The following CWH43 variants were observed in gnomAD, a reference collection of about 807,000 sequenced individuals.
CWH43 encodes cell wall biogenesis 43 C-terminal homolog.
Under a neutral mutation model 85.7 loss-of-function variants are expected in CWH43, and 91 were observed. The observed-to-expected ratio is 1.06, with a 90% CI of 0.90 to 1.26. The LOEUF is 1.26. CWH43 is among the 50% of genes most tolerant of loss of function. The probability of loss-of-function intolerance (pLI) is 0.00; values close to 1 mark genes in which losing one functional copy is unlikely to be tolerated. For missense variants in CWH43, 869 were observed against 839.2 expected, an observed-to-expected ratio of 1.04 and a Z score of -0.44; for synonymous variants, 323 against 293.6, an observed-to-expected ratio of 1.10 and a Z score of -1.02.
At chr4:49,017,121 G>A in intron 8 of CWH43, 128 bp from the exon 9 acceptor site, 1 of 795,382 alleles carries the variant, frequency 1.3e-6, no homozygotes, top group South Asian at 1.5e-5. Flanking sequence ...TCATCTTCCA[G>A]GTCCTCCAAG....
At chr4:49,038,854 C>T (rs537766512) in intron 13 of CWH43, among the ~76,000 whole-genome samples, 6 of 151,364 alleles carry the variant, frequency 4.0e-5, no homozygotes, top group Non-Finnish European at 7.4e-5. Context: ...GTCAGGAGAT[C>T]GAGACCATCC....
In CWH43 at chr4:48,998,507, GTT is replaced by G. The variant is rs1782887613; in HGVS notation, c.763_764del (p.Leu255ValfsTer52). On this transcript the variant is annotated frameshift_variant, in exon 6 of 16. Transcript: ENST00000226432. LOFTEE classifies it high-confidence loss of function. ...GCAAGTGGATTGATGCTTCCATCTT[GTT>G]TGTGGTTTCGTGGTACTGGTTTGAT... 6.2e-7 allele frequency: 1 copy of G among 1,614,004 alleles called. No homozygotes were observed.
intron 15 of CWH43, among the ~76,000 whole-genome samples, chr4:49,061,175 T>G (rs567766398): frequency 2.2e-4 from 33 of 152,276 alleles, no homozygotes; most frequent in African/African-American, 7.9e-4. Context: ...GCTCTAGAAG[T>G]GAAATAGCAG....
intron 12 of CWH43, 61 bp downstream of exon 12, chr4:49,032,776 C>A (rs1421158812): frequency 6.4e-7 from 1 of 1,564,094 alleles, no homozygotes; most frequent in African/African-American, 1.4e-5. Context: ...TAACAATGTA[C>A]TTTGATTTCT....
chr4:49,032,037 C>A (rs574282724), intron 11 of CWH43, among the ~76,000 whole-genome samples: 15 of 152,252 alleles, frequency 9.9e-5, no homozygotes, highest in African/African-American at 3.6e-4. Context: ...TAGAGATAGA[C>A]CTGTCTCAGA....
At chr4:49,006,115 C>T (rs1309501757) in intron 7 of CWH43, among the ~76,000 whole-genome samples, 9 of 152,146 alleles carry the variant, frequency 5.9e-5, no homozygotes, top group Non-Finnish European at 1.3e-4. Context: ...TGTGTACTCT[C>T]TCCTGCTTTG....
intron 8 of CWH43, among the ~76,000 whole-genome samples, chr4:49,011,279 T>A (rs1783349038): frequency 6.6e-6 from 1 of 152,192 alleles, no homozygotes; most frequent in Non-Finnish European, 1.5e-5. Context: ...GCCTGTTGTA[T>A]CAGAGACTAG....
chr4:49,028,078 A>G (rs1783974842), intron 9 of CWH43, among the ~76,000 whole-genome samples: 2 of 152,146 alleles, frequency 1.3e-5, no homozygotes, highest in Admixed American at 1.3e-4. Flanking sequence ...AAGAGTAAAC[A>G]CTATCCTGAG....
rs1458415502 is a variant in CWH43, at chr4:49,044,823, A to T, written c.1841A>T (p.Tyr614Phe). The T allele has an allele frequency of 2.5e-6, 4 of 1,613,304 alleles. No homozygotes were observed. Among genetic ancestry groups the T allele is most frequent in the Non-Finnish European group, 3.4e-6 (4 of 1,179,380 alleles). The change falls in exon 14 of 16, where the codon TAC becomes TTC. Residue 614 changes from tyrosine to phenylalanine, a missense_variant. Transcript: ENST00000226432. ...DSTDHDRWCEYIMYRGLIRLG... is the reference protein window; with the variant it reads ...DSTDHDRWCEFIMYRGLIRLG... ...ACTGATCATGACAGATGGTGTGAAT[A>T]CATTATGTATCGAGGGCTGATCAGG...
At chr4:49,000,503 A>G (rs1392669407) in intron 6 of CWH43, among the ~76,000 whole-genome samples, 2 of 152,224 alleles carry the variant, frequency 1.3e-5, no homozygotes, top group African/African-American at 4.8e-5. Context: ...AAGGGCCAGG[A>G]AAGTTTGTCA....
intron 10 of CWH43, among the ~76,000 whole-genome samples, chr4:49,029,851 C>A (rs1784039032): frequency 6.6e-6 from 1 of 152,202 alleles, no homozygotes; most frequent in South Asian, 2.1e-4. Flanking sequence ...TTCCTGCCGA[C>A]CTTCTCCCCA....
At chr4:49,009,645 A>G (rs2355166) in intron 8 of CWH43, among the ~76,000 whole-genome samples, 92,409 of 152,014 alleles carry the variant, frequency 0.61, 30,690 homozygotes, top group Middle Eastern at 0.79. Context: ...TTTCAGATAT[A>G]TTCCATTAAT....
chr4:49,013,154 C>G (rs1370213928), intron 8 of CWH43, among the ~76,000 whole-genome samples: 1 of 152,230 alleles, frequency 6.6e-6, no homozygotes, highest in African/African-American at 2.4e-5. Flanking sequence ...CCACCCTGTT[C>G]CAGCTTCCTG....
At chr4:49,046,897 C>T (rs969753491) in intron 14 of CWH43, among the ~76,000 whole-genome samples, 1 of 152,158 alleles carries the variant, frequency 6.6e-6, no homozygotes, top group African/African-American at 2.4e-5. Context: ...AAGGGTTCTC[C>T]TGTTAGGACA....
rs544004599 is a variant in CWH43 at position 48,992,649 on chromosome 4, C to A, written c.511+559C>A. 1.6e-4 allele frequency among the ~76,000 whole-genome samples: 24 copies of A among 152,254 alleles called. No homozygotes were observed. Among genetic ancestry groups the A allele is most frequent in the Non-Finnish European group, 2.5e-4 (17 of 68,018 alleles). ...CAGCTTTCTCCGAGACAGAAACATG[C>A]CCAGCTTAGAGTTTGTTTCATAAAC... On this transcript the variant is annotated intron_variant, in intron 4 of 15. Coordinates refer to ENST00000226432, the MANE Select transcript of CWH43 (RefSeq NM_025087.3). This position sits in a 1 kb window ranked among gnomAD's most constrained non-coding sequence, Gnocchi z 4.3.
chr4:49,005,348 C>T (rs1783121453), intron 7 of CWH43, among the ~76,000 whole-genome samples: 1 of 151,966 alleles, frequency 6.6e-6, no homozygotes, highest in African/African-American at 2.4e-5. Flanking sequence ...TCATCATTGC[C>T]CCCTTTCCCA....
chr4:49,052,249 C>T (rs1210143493), intron 15 of CWH43, among the ~76,000 whole-genome samples: 1 of 152,076 alleles, frequency 6.6e-6, no homozygotes, highest in Non-Finnish European at 1.5e-5. Flanking sequence ...AACCGCGGGC[C>T]TTAGGGTCAT....
chr4:48,994,844 C>G (rs1468904545), intron 5 of CWH43, 24 bp downstream of exon 5: 1 of 1,604,684 alleles, frequency 6.2e-7, no homozygotes, highest in Non-Finnish European at 8.5e-7. Flanking sequence ...TGGAAGCAAT[C>G]ACAAAATCGG....
chr4:48,988,529 T>G lies in CWH43; in HGVS notation c.96T>G (p.Phe32Leu). The change falls in exon 2 of 16, where the codon TTT (phenylalanine) becomes TTG (leucine). Residue 32 changes from phenylalanine (F) to leucine (L), a missense_variant. By Grantham distance (22) the Phe-to-Leu change is conservative (BLOSUM62 0). This residue lies in a region of CWH43 where 140 missense variants were observed against 122.6 expected (regional missense o/e 1.14). Coordinates refer to ENST00000226432, the MANE Select transcript of CWH43 (RefSeq NM_025087.3). ...ACCTGGGACCGATGATCTATTACTT[T>G]CCTTTGCAAACACTAGAACTCACTG... ...YHDLGPMIYY[F>L]PLQTLELTGL... 1 of 1,613,196 alleles carries G rather than the reference T, an allele frequency of 6.2e-7. No homozygotes were observed. The highest frequency in any genetic ancestry group is 8.5e-7 in the Non-Finnish European group (1 of 1,179,666).
Sources: allele counts gnomAD v4.1 joint callset (sites outside exome capture counted in the v4.1 genomes callset), GRCh38; gene constraint gnomAD v4.1.1; regional missense constraint gnomAD v4.1.1; non-coding constraint Gnocchi (gnomAD v3.1); transcripts MANE v1.5; gene names NCBI Gene and HGNC (gene_info 2026-07-23, HGNC 2026-07-21).